ENAH: variants seen among roughly 807,000 people sequenced by gnomAD.
The protein encoded by ENAH is protein enabled homolog.
Under a neutral mutation model 78.7 loss-of-function variants are expected in ENAH, and 23 were observed. That is an observed-to-expected ratio of 0.29 (90% CI 0.21 to 0.41). The LOEUF (loss-of-function observed/expected upper bound fraction) is 0.41. ENAH is among the 10% of genes least tolerant of loss of function. The pLI, the probability that ENAH is intolerant of heterozygous loss-of-function variation, is 1.00. For missense variants in ENAH, 544 were observed against 691.0 expected (o/e 0.79, Z 2.39); for synonymous variants, 226 against 241.0 (o/e 0.94, Z 0.58).
chr1:225,587,077 T>C (rs969925231), intron 1 of ENAH, among the ~76,000 whole-genome samples: 1 of 152,204 alleles, frequency 6.6e-6, no homozygotes, highest in Non-Finnish European at 1.5e-5. Flanking sequence ...TATTAAAATA[T>C]CTAGAACATC....
intron 1 of ENAH, among the ~76,000 whole-genome samples, chr1:225,577,574 G>A (rs1017125903): frequency 6.6e-6 from 1 of 152,278 alleles, no homozygotes; most frequent in East Asian, 1.9e-4. Flanking sequence ...ATAAATAAAA[G>A]GTAAAAACAT....
rs2096246741 is a variant in ENAH at position 225,495,664 on chromosome 1, C to A, written c.*2111G>T. On this transcript the variant is annotated 3_prime_UTR_variant, in exon 14 of 14. Coordinates refer to ENST00000366843, the MANE Select transcript of ENAH (RefSeq NM_018212.6). ...CAACAAAATCAAAAGAGGTTGCTGA[C>A]CAGATTTATAGGGGACATAACTGTT... The A allele has an allele frequency of 6.6e-6, 1 of 152,300 alleles. No individual in the cohort carries two copies. The highest frequency in any genetic ancestry group is 1.5e-5 in the Non-Finnish European group (1 of 67,980). The allele number at this position is 152,300 out of a possible 1,614,324, so 9.4% of individuals were successfully genotyped here.
At chr1:225,574,314 T>C (rs1423118516) in intron 1 of ENAH, among the ~76,000 whole-genome samples, 1 of 152,132 alleles carries the variant, frequency 6.6e-6, no homozygotes, top group African/African-American at 2.4e-5. Context: ...TTATATAAGA[T>C]TGTGGGCCAG....
intron 3 of ENAH, among the ~76,000 whole-genome samples, chr1:225,534,518 C>A (rs1044401133): frequency 4.6e-5 from 7 of 151,282 alleles, no homozygotes; most frequent in Non-Finnish European, 8.8e-5. Context: ...TAAAAAAAAA[C>A]AGTATCATTA....
chr1:225,555,244 T>C (rs971816026), intron 2 of ENAH, among the ~76,000 whole-genome samples, 161 bp from the exon 3 acceptor site: 2 of 152,166 alleles, frequency 1.3e-5, no homozygotes, highest in African/African-American at 4.8e-5. Flanking sequence ...AATATCAGTC[T>C]GATAGAAGTT....
chr1:225,495,025 A>C lies in ENAH; in HGVS notation c.*2750T>G, dbSNP rs947306643. 6 of 152,648 alleles carry C rather than the reference A, an allele frequency of 3.9e-5. No homozygotes were observed. The highest frequency in any genetic ancestry group is 7.2e-5 in the African/African-American group (3 of 41,458). The allele number at this position is 152,648 out of a possible 1,614,324, so 9.5% of individuals were successfully genotyped here. ...ACTTGATGCTTGCAAATTTTTAAAC[A>C]AACTTTTAAATCATGATGACTATTC... On this transcript the variant is annotated 3_prime_UTR_variant, in exon 14 of 14. Transcript: ENST00000366843.
At chr1:225,503,894 T>G (rs2096304530) in intron 11 of ENAH, among the ~76,000 whole-genome samples, 1 of 152,092 alleles carries the variant, frequency 6.6e-6, no homozygotes, top group Admixed American at 6.5e-5. Flanking sequence ...TTGATGTATA[T>G]TTTTTTAAAA....
chr1:225,599,777 C>A (rs1329858480), intron 1 of ENAH, among the ~76,000 whole-genome samples: 1 of 133,480 alleles, frequency 7.5e-6, no homozygotes, highest in Non-Finnish European at 1.5e-5. Flanking sequence ...GCCTGGGCGA[C>A]AGGGCCGAGA....
chr1:225,575,007 A>T (rs1256645780), intron 1 of ENAH, among the ~76,000 whole-genome samples: 1 of 152,182 alleles, frequency 6.6e-6, no homozygotes, highest in Non-Finnish European at 1.5e-5. Context: ...AACAATAAAT[A>T]GCATGTGCTA....
rs1204637711 is a variant in ENAH, at chr1:225,652,770, G to A, written c.-80C>T. The A allele has an allele frequency of 4.1e-6, 5 of 1,205,680 alleles. No homozygotes were observed. The highest frequency in any genetic ancestry group is 5.3e-6 in the Non-Finnish European group (5 of 946,266). 74.7% of individuals were successfully genotyped at this position (1,205,680 alleles called of 1,614,324 possible). On this transcript the variant is annotated 5_prime_UTR_variant, in exon 1 of 14. Coordinates refer to ENST00000366843, the MANE Select transcript of ENAH (RefSeq NM_018212.6). ...GCCGAGGGGGGGGTCTCTCCTCCAG[G>A]GGTGGGGAGCAGCTCGGAGACGGGA... is the stretch of plus-strand genomic sequence containing the variant.
At position 225,487,786 on chromosome 1, in the gene ENAH, C is replaced by G. The variant is rs945691552; in HGVS notation, c.*9989G>C. The G allele has an allele frequency of 1.3e-5, 2 of 152,106 alleles. No homozygotes were observed. The allele number at this position is 152,106 out of a possible 1,614,324, so 9.4% of individuals were successfully genotyped here. On this transcript the variant is annotated 3_prime_UTR_variant, in exon 14 of 14. Transcript: ENST00000366843. ...ACACTTCTAGTTCTAAAATTCAGAGCAAAGCAAGATGACAAGAGATTCCAA... is the reference window on the plus strand; with the variant it reads ...ACACTTCTAGTTCTAAAATTCAGAGGAAAGCAAGATGACAAGAGATTCCAA...
intron 1 of ENAH, among the ~76,000 whole-genome samples, chr1:225,593,010 C>T (rs892123158): frequency 1.3e-5 from 2 of 152,094 alleles, no homozygotes; most frequent in Admixed American, 6.6e-5. Flanking sequence ...TGCCAGATGA[C>T]CCCTGGCACA....
intron 6 of ENAH, chr1:225,515,227 T>C (rs1431125064): frequency 3.6e-6 from 1 of 279,052 alleles, no homozygotes; most frequent in Admixed American, 5.5e-5. Context: ...GAGGTAAGCG[T>C]CCCTGAAAAA....
intron 1 of ENAH, among the ~76,000 whole-genome samples, chr1:225,577,282 CA>C (rs1323380459): frequency 6.6e-6 from 1 of 151,992 alleles, no homozygotes; most frequent in African/African-American, 2.4e-5. Flanking sequence ...TTTGCCATTC[CA>C]TTAAAAAAAG....
Position 225,494,667 on chromosome 1 carries a change from T to C in ENAH, c.*3108A>G, listed in dbSNP as rs2096241019. 1 of 152,234 alleles carries C rather than the reference T, an allele frequency of 6.6e-6. No homozygotes were observed. Among genetic ancestry groups the C allele is most frequent in the African/African-American group, 2.4e-5 (1 of 41,466 alleles). The allele number at this position is 152,234 out of a possible 1,614,324, so 9.4% of individuals were successfully genotyped here. ...TACATTACTTAGTATTCACGACTTC[T>C]ATGAAATCTGTAAAGAATAGTGACG... On this transcript the variant is annotated 3_prime_UTR_variant, in exon 14 of 14. Coordinates refer to ENST00000366843, the MANE Select transcript of ENAH (RefSeq NM_018212.6).
rs2096254250 is a variant in ENAH at position 225,497,380 on chromosome 1, T to C, written c.*395A>G. The C allele has an allele frequency of 1.3e-5, 2 of 157,814 alleles. No individual in the cohort carries two copies. The highest frequency in any genetic ancestry group is 4.8e-5 in the African/African-American group (2 of 41,586). 9.8% of individuals were successfully genotyped at this position (157,814 alleles called of 1,614,324 possible). On this transcript the variant is annotated 3_prime_UTR_variant, in exon 14 of 14. Transcript: ENST00000366843. The stretch of plus-strand genomic sequence containing the variant: ...TGCTCAATTCTTTACCAGCACTCTC[T>C]GCAAAAAAACTTCCTAAGCCTTTCT...
intron 2 of ENAH, among the ~76,000 whole-genome samples, chr1:225,557,791 A>G (rs749124952): frequency 2.0e-5 from 3 of 152,248 alleles, no homozygotes; most frequent in Non-Finnish European, 2.9e-5. Flanking sequence ...ACTGCACTCC[A>G]GCCTGGGCAA....
chr1:225,524,012 A>G (rs969103547), intron 4 of ENAH, among the ~76,000 whole-genome samples: 1 of 152,220 alleles, frequency 6.6e-6, no homozygotes, highest in Non-Finnish European at 1.5e-5. Context: ...CTAGGCATAT[A>G]TATTCTACAA....
intron 2 of ENAH, 56 bp from the exon 3 acceptor site, chr1:225,555,139 G>A (rs2096659827): frequency 7.2e-6 from 10 of 1,396,618 alleles, no homozygotes; most frequent in Admixed American, 3.8e-5. Flanking sequence ...AATCAAGGAT[G>A]TCAACAAATG....
Sources: gnomAD v4.1 joint callset for allele counts (sites outside exome capture counted in the v4.1 genomes callset) on GRCh38, gnomAD v4.1.1 for gene constraint, MANE v1.5 for transcripts, NCBI Gene and HGNC (gene_info 2026-07-23, HGNC 2026-07-21) for gene names.